PTPN20: variants seen among roughly 807,000 people sequenced by gnomAD.
PTPN20 encodes the protein tyrosine-protein phosphatase non-receptor type 20.
PTPN20 carries 9 observed loss-of-function variants against 35.0 expected under a neutral mutation model. That is an observed-to-expected ratio of 0.26 (90% CI 0.15 to 0.45). The LOEUF (loss-of-function observed/expected upper bound fraction) is 0.45. PTPN20 is among the 20% of genes least tolerant of loss of function. The pLI, the probability that PTPN20 is intolerant of heterozygous loss-of-function variation, is 1.00. For synonymous variants in PTPN20, 32 were observed against 100.2 expected (o/e 0.32, Z 4.06); for missense variants, 111 against 312.5 (o/e 0.36, Z 4.86).
At chr10:46,982,734 T>G (rs1458956362) in intron 7 of PTPN20, among the ~76,000 whole-genome samples, 30 of 151,908 alleles carry the variant, frequency 2.0e-4, no homozygotes, top group African/African-American at 6.0e-4. Flanking sequence ...ATGGTTTAGA[T>G]ACTGTAATAA....
chr10:46,948,789 C>G (rs1409309689), intron 5 of PTPN20, among the ~76,000 whole-genome samples: 2 of 150,744 alleles, frequency 1.3e-5, no homozygotes, highest in African/African-American at 4.9e-5. Context: ...CTTTGTTGTC[C>G]TATTCCATTC....
intron 9 of PTPN20, among the ~76,000 whole-genome samples, chr10:46,993,128 A>C (rs1018331998): frequency 1.2e-3 from 182 of 152,334 alleles, no homozygotes; most frequent in African/African-American, 4.2e-3. Flanking sequence ...AATGGCCGGC[A>C]AATAGACTCT....
Sources: gnomAD v4.1 joint callset for allele counts (sites outside exome capture counted in the v4.1 genomes callset) on GRCh38, gnomAD v4.1.1 for gene constraint, MANE v1.5 for transcripts, NCBI Gene and HGNC (gene_info 2026-07-23, HGNC 2026-07-21) for gene names.